ARL10: variants seen among roughly 807,000 people sequenced by gnomAD.
ARL10 encodes the protein ADP-ribosylation factor-like protein 10.
In ARL10, 23 loss-of-function variants were observed where a neutral mutation model predicts 26.1. The ratio of observed to expected loss-of-function variants is 0.88; its 90% CI spans 0.63 to 1.25. The LOEUF is 1.25. Ranked by LOEUF, ARL10 falls within the 50% of genes most tolerant of loss-of-function variation. ARL10 has a pLI of 0.00. For missense variants in ARL10, 300 were observed against 323.6 expected (o/e 0.93, Z 0.56); for synonymous variants, 138 against 149.1 (o/e 0.93, Z 0.54).
At chr5:176,371,256 T>A (rs1273742468) in intron 3 of ARL10, among the ~76,000 whole-genome samples, 1 of 152,150 alleles carries the variant, frequency 6.6e-6, no homozygotes, top group Non-Finnish European at 1.5e-5. Context: ...ACACCTGTAG[T>A]CCCAGCTACT....
chr5:176,413,126 C>T, the ARL10 span, among the ~76,000 whole-genome samples: 1 of 152,188 alleles, frequency 6.6e-6, no homozygotes, highest in Non-Finnish European at 1.5e-5. Flanking sequence ...ATTCCAAGTA[C>T]CTGTTCCCAC....
the ARL10 span, among the ~76,000 whole-genome samples, chr5:176,409,715 T>C: frequency 2.0e-5 from 3 of 152,160 alleles, no homozygotes; most frequent in Non-Finnish European, 2.9e-5. Flanking sequence ...CACCCGGCCC[T>C]GATTGCCCTT....
chr5:176,408,527 A>C, the ARL10 span, among the ~76,000 whole-genome samples: 1 of 150,096 alleles, frequency 6.7e-6, no homozygotes, highest in Non-Finnish European at 1.5e-5. Context: ...TAAGAGCAAA[A>C]CTCCATCTCA....
chr5:176,380,675 G>T lies in ARL10; in HGVS notation c.*8780G>T, dbSNP rs1423352691. 2 of 152,054 alleles carry T rather than the reference G, an allele frequency of 1.3e-5. No individual in the cohort carries two copies. The highest frequency in any genetic ancestry group is 2.9e-5 in the Non-Finnish European group (2 of 68,028). 9.4% of individuals were successfully genotyped at this position (152,054 alleles called of 1,614,324 possible). A position where few individuals can be genotyped will look rare whatever the true frequency, so the allele number is the denominator to read the frequency against. ...CTAATTTTTGTATTTTTAGTAGGGA[G>T]GGGTTTCGCCACATTGGCCAGGCAG... On this transcript the variant is annotated 3_prime_UTR_variant, in exon 4 of 4. Transcript: ENST00000310389.
At chr5:176,387,084 T>TTC in intron 1 of ARL10, 1 of 587,790 alleles carries the variant, frequency 1.7e-6, no homozygotes, top group Non-Finnish European at 3.0e-6. Context: ...CTCTCTTTTT[T>TTC]TTTTTCTTTT....
exon 2 of ARL10, chr5:176,388,589 G>A (rs1756090984): frequency 1.3e-6 from 2 of 1,533,058 alleles, no homozygotes; most frequent in Admixed American, 1.7e-5. Context: ...CTGTCTCTCA[G>A]ACCTCGTGTA....
In ARL10 at chr5:176,397,730, C is replaced by G. The variant is rs752994831; in HGVS notation, c.134-4011C>G. The G allele has an allele frequency of 9.3e-6, 15 of 1,610,018 alleles. No homozygotes were observed. The African/African-American group carries it at 2.0e-4, about 22-fold the overall frequency. Reference sequence around the variant, plus strand: ...CTTAGATGCAGCATCTAGGACCCCACAAGAGAATGAGTGGCTGCTTTCCAG... The same window carrying G: ...CTTAGATGCAGCATCTAGGACCCCAGAAGAGAATGAGTGGCTGCTTTCCAG... On this transcript the variant is annotated intron_variant, in intron 1 of 1. Transcript: ENST00000514533.
chr5:176,389,102 C>A (rs925580453), downstream of ARL10: 30 of 1,232,490 alleles, frequency 2.4e-5, no homozygotes, highest in Non-Finnish European at 6.8e-6. Flanking sequence ...GGGGGCGGGG[C>A]GGTGAGGGGC....
intron 1 of ARL10, chr5:176,388,172 C>G (rs1403840382): frequency 1.6e-6 from 2 of 1,268,740 alleles, no homozygotes; most frequent in Non-Finnish European, 2.3e-6. Context: ...GTTCTGACAC[C>G]TAGGTCAGTA....
chr5:176,403,317 T>C (rs1028354673), downstream of ARL10, among the ~76,000 whole-genome samples: 1 of 152,118 alleles, frequency 6.6e-6, no homozygotes, highest in Non-Finnish European at 1.5e-5. Context: ...CCCAAAGTGC[T>C]GGGATTACAG....
chr5:176,382,819 A>C (rs1755584676), downstream of ARL10, among the ~76,000 whole-genome samples: 1 of 152,300 alleles, frequency 6.6e-6, no homozygotes, highest in South Asian at 2.1e-4. Context: ...AAGGCTTCCT[A>C]AAGTTCATTC....
downstream of ARL10, chr5:176,386,845 A>G (rs780301628): frequency 2.4e-5 from 39 of 1,613,818 alleles, no homozygotes; most frequent in African/African-American, 4.7e-4. Flanking sequence ...CCCACCATTC[A>G]GCACATAGGG....
the ARL10 span, among the ~76,000 whole-genome samples, chr5:176,413,515 C>T: frequency 6.6e-6 from 1 of 152,364 alleles, no homozygotes; most frequent in East Asian, 1.9e-4. Context: ...CACAGGCCTA[C>T]ACCAGATACC....
At chr5:176,383,434 C>T (rs1032188056), downstream of ARL10, among the ~76,000 whole-genome samples, 20 of 152,248 alleles carry the variant, frequency 1.3e-4, no homozygotes, top group African/African-American at 4.6e-4. Flanking sequence ...CAAGCCTGGC[C>T]CCAAAGGATG....
At chr5:176,388,267 G>A (rs1167631598) in intron 1 of ARL10, 9 of 1,614,042 alleles carry the variant, frequency 5.6e-6, no homozygotes, top group Non-Finnish European at 5.9e-6. Flanking sequence ...GCCCTGTTGG[G>A]GTCCACAGCC....
chr5:176,366,926 A>T (rs1286600551), intron 2 of ARL10, among the ~76,000 whole-genome samples: 1 of 151,890 alleles, frequency 6.6e-6, no homozygotes, highest in Non-Finnish European at 1.5e-5. Flanking sequence ...AGAATCGGTC[A>T]CTACCCTCGT....
downstream of ARL10, chr5:176,385,010 T>C: frequency 1.7e-6 from 1 of 582,804 alleles, no homozygotes; most frequent in Non-Finnish European, 3.1e-6. Flanking sequence ...CATTTATCTG[T>C]GAGTGAGACT....
intron 1 of ARL10, 100 bp from the exon 2 acceptor site, chr5:176,366,280 G>T: frequency 1.4e-6 from 2 of 1,390,364 alleles, no homozygotes; most frequent in Non-Finnish European, 1.9e-6. Flanking sequence ...TCCCAGGACG[G>T]GTGGAAGGCG....
At chr5:176,369,896 C>T (rs956790815) in intron 3 of ARL10, among the ~76,000 whole-genome samples, 3 of 150,128 alleles carry the variant, frequency 2.0e-5, no homozygotes, top group East Asian at 3.9e-4. Flanking sequence ...GAGGTCGAGG[C>T]TGCAGTGAGC....
Sources: gnomAD v4.1 joint callset for allele counts (sites outside exome capture counted in the v4.1 genomes callset) on GRCh38, gnomAD v4.1.1 for gene constraint, MANE v1.5 for transcripts, NCBI Gene and HGNC (gene_info 2026-07-23, HGNC 2026-07-21) for gene names.